LRRTM4: variants seen among roughly 807,000 people sequenced by gnomAD.
The protein encoded by LRRTM4 is leucine-rich repeat transmembrane neuronal protein 4.
Under a neutral mutation model 47.6 loss-of-function variants are expected in LRRTM4, and 25 were observed. The observed-to-expected ratio is 0.53, with a 90% confidence interval of 0.38 to 0.73. The LOEUF (loss-of-function observed/expected upper bound fraction) is 0.73. LRRTM4 is among the 30% of genes least tolerant of loss of function. The pLI, the probability that LRRTM4 is intolerant of heterozygous loss-of-function variation, is 0.00. For missense variants in LRRTM4, 638 were observed against 713.4 expected (o/e 0.89, Z 1.20); for synonymous variants, 311 against 269.5 (o/e 1.15, Z -1.51).
At chr2:77,481,349 A>G (rs764447451) in intron 3 of LRRTM4, among the ~76,000 whole-genome samples, 9 of 150,692 alleles carry the variant, frequency 6.0e-5, no homozygotes, top group Non-Finnish European at 1.0e-4. Context: ...AAATGCAGCC[A>G]TCTAGTTCGA....
At chr2:77,180,855 G>A (rs143502673) in intron 3 of LRRTM4, among the ~76,000 whole-genome samples, 5 of 152,156 alleles carry the variant, frequency 3.3e-5, no homozygotes, top group Admixed American at 6.6e-5. Context: ...CTCTTCAGAC[G>A]TTGTATGCAT....
chr2:77,240,472 A>G (rs1675227474), intron 3 of LRRTM4, among the ~76,000 whole-genome samples: 2 of 152,022 alleles, frequency 1.3e-5, no homozygotes, highest in African/African-American at 2.4e-5. Context: ...CCATAGAGCT[A>G]TACTAACATA....
intron 3 of LRRTM4, among the ~76,000 whole-genome samples, chr2:76,957,803 T>C (rs1434132599): frequency 4.6e-5 from 7 of 151,724 alleles, no homozygotes; most frequent in Admixed American, 4.6e-4. Flanking sequence ...CACACTCACA[T>C]GGTTTTGACA....
chr2:77,362,170 A>AAGGAAGGAAGGAAGG lies in LRRTM4; in HGVS notation c.1551+156147_1551+156148insCCTTCCTTCCTTCCT, dbSNP rs1672263551. 5.2e-5 allele frequency among the ~76,000 whole-genome samples: 7 copies of AAGGAAGGAAGGAAGG among 133,628 alleles called. 1 individual carries two copies. Among genetic ancestry groups the AAGGAAGGAAGGAAGG allele is most frequent in the African/African-American group, 2.3e-4 (7 of 30,564 alleles). The allele number at this position is 133,628 out of a possible 152,430, so 87.7% of individuals were successfully genotyped here. A position where few individuals can be genotyped will look rare whatever the true frequency, so the allele number is the denominator to read the frequency against. Reference sequence around the variant, plus strand: ...GAAAGAAAGAAAGAAAGAAAGAAAGAAAGGAAGGAAGGAAGAGTTCTTAAT... The same window carrying AAGGAAGGAAGGAAGG: ...GAAAGAAAGAAAGAAAGAAAGAAAGAAGGAAGGAAGGAAGGAAGGAAGGAAGGAAGAGTTCTTAAT... On this transcript the variant is annotated intron_variant, in intron 3 of 3. Transcript: ENST00000409884.
chr2:77,253,643 G>A (rs1222321003), intron 3 of LRRTM4, among the ~76,000 whole-genome samples: 3 of 152,080 alleles, frequency 2.0e-5, no homozygotes, highest in Non-Finnish European at 4.4e-5. Context: ...AGAAGTATCT[G>A]AGAAGCATTT....
At chr2:77,463,445 A>G (rs908125241) in intron 3 of LRRTM4, among the ~76,000 whole-genome samples, 5 of 152,006 alleles carry the variant, frequency 3.3e-5, no homozygotes, top group African/African-American at 1.2e-4. Flanking sequence ...GTAAATCAAA[A>G]TTTTCCTCAT....
intron 3 of LRRTM4, among the ~76,000 whole-genome samples, chr2:76,891,296 C>T (rs114692470): frequency 0.01 from 1,578 of 151,848 alleles, 32 homozygotes; most frequent in African/African-American, 0.036. Context: ...ATCACCCGCT[C>T]CTCCTAAAAA....
At chr2:76,841,279 G>A (rs112166735) in intron 3 of LRRTM4, among the ~76,000 whole-genome samples, 13,227 of 149,696 alleles carry the variant, frequency 0.088, 1,081 homozygotes, top group African/African-American at 0.2. Context: ...CTGTTGTGGG[G>A]TGGGGGGAGT....
chr2:76,861,558 C>T (rs987865585), intron 3 of LRRTM4, among the ~76,000 whole-genome samples: 3 of 152,160 alleles, frequency 2.0e-5, no homozygotes, highest in African/African-American at 7.2e-5. Context: ...GCCATACTCT[C>T]TGTCCTTTCC....
intron 3 of LRRTM4, among the ~76,000 whole-genome samples, chr2:77,367,023 G>C (rs933744580): frequency 1.5e-4 from 23 of 151,610 alleles, no homozygotes; most frequent in African/African-American, 5.3e-4. Flanking sequence ...CTCCATCCCT[G>C]CCACATAATT....
At position 76,889,314 on chromosome 2, in the gene LRRTM4, A is replaced by G. The variant is rs1451495651; in HGVS notation, c.1552-140398T>C. ...GAGGCAGCTTTGATTGAGAAGCCAG[A>G]TATTGATTGTGAGTTACACATATTT... On this transcript the variant is annotated intron_variant, in intron 3 of 3. Transcript: ENST00000409884. Among the ~76,000 whole-genome samples, 3 of 151,962 alleles carry G rather than the reference A, an allele frequency of 2.0e-5. No individual in the cohort carries two copies. The East Asian group carries it at 5.8e-4, about 29-fold the overall frequency.
At chr2:77,488,368 G>C (rs1431999736) in intron 3 of LRRTM4, among the ~76,000 whole-genome samples, 1 of 152,200 alleles carries the variant, frequency 6.6e-6, no homozygotes, top group African/African-American at 2.4e-5. Flanking sequence ...TGGACACCAT[G>C]CTTGCTCACT....
rs189853365 is a variant in LRRTM4, at chr2:77,364,300, C to A, written c.1551+154018G>T. On this transcript the variant is annotated intron_variant, in intron 3 of 3. Coordinates refer to ENST00000409884, the MANE Select transcript of LRRTM4 (RefSeq NM_001134745.3). ...TTTAAAATTCCTCTAAAAATTGAGT[C>A]TTCAAAATAAATGCTGTATATAAGG... Among the ~76,000 whole-genome samples, 328 of 152,156 alleles carry A rather than the reference C, an allele frequency of 2.2e-3. 3 individuals are homozygous for A. The highest frequency in any genetic ancestry group is 2.9e-3 in the Non-Finnish European group (198 of 67,994).
chr2:76,936,236 T>A (rs1674941662), intron 3 of LRRTM4, among the ~76,000 whole-genome samples: 1 of 152,090 alleles, frequency 6.6e-6, no homozygotes, highest in Non-Finnish European at 1.5e-5. Context: ...GGTGCATATA[T>A]ACCATGGACT....
At chr2:76,976,742 G>C (rs1031403876) in intron 3 of LRRTM4, among the ~76,000 whole-genome samples, 1 of 151,834 alleles carries the variant, frequency 6.6e-6, no homozygotes, top group Non-Finnish European at 1.5e-5. Context: ...GTGACAGCTG[G>C]ATGGGAGGAT....
chr2:77,368,712 C>G (rs929529667), intron 3 of LRRTM4, among the ~76,000 whole-genome samples: 1 of 151,690 alleles, frequency 6.6e-6, no homozygotes, highest in African/African-American at 2.4e-5. Flanking sequence ...TAGTTACAGT[C>G]TTACTCCATT....
chr2:77,033,661 A>C (rs1678738204), intron 3 of LRRTM4, among the ~76,000 whole-genome samples: 1 of 151,942 alleles, frequency 6.6e-6, no homozygotes, highest in South Asian at 2.1e-4. Flanking sequence ...GGGTGATAAT[A>C]ATCTATGCTA....
chr2:76,929,925 TTGTGTGTGTG>T lies in LRRTM4; in HGVS notation c.1552-181019_1552-181010del, dbSNP rs3055992. ...AAAATGTGATAATTGCAATTAGAGT[TTGTGTGTGTG>T]TGTGTGTGTGTGTGTGTGTGTGTGT... On this transcript the variant is annotated intron_variant, in intron 3 of 3. Coordinates refer to ENST00000409884, the MANE Select transcript of LRRTM4 (RefSeq NM_001134745.3). Among the ~76,000 whole-genome samples, 620 of 149,310 alleles carry T rather than the reference TTGTGTGTGTG, an allele frequency of 4.2e-3. 6 individuals are homozygous for T. Among genetic ancestry groups the T allele is most frequent in the African/African-American group, 8.0e-3 (325 of 40,652 alleles).
chr2:76,764,644 AAAAAC>A (rs1432213656), intron 3 of LRRTM4, among the ~76,000 whole-genome samples: 3 of 152,124 alleles, frequency 2.0e-5, no homozygotes, highest in African/African-American at 7.2e-5. Flanking sequence ...ACAAAACAAA[AAAAAC>A]AAACAAAAAA....
Sources: gnomAD v4.1 joint callset for allele counts (sites outside exome capture counted in the v4.1 genomes callset) on GRCh38, gnomAD v4.1.1 for gene constraint, MANE v1.5 for transcripts, NCBI Gene and HGNC (gene_info 2026-07-23, HGNC 2026-07-21) for gene names.